Variants in NEGR1 observed in about 807,000 individuals in gnomAD.
The protein encoded by NEGR1 is IgLON family member 4.
NEGR1 carries 10 observed loss-of-function variants against 40.9 expected under a neutral mutation model. That is an observed-to-expected ratio of 0.24 (90% CI 0.15 to 0.42). The LOEUF is 0.42. Among genes scored for constraint, NEGR1 ranks in the 10% least tolerant of loss-of-function variants. The pLI is 1.00. For synonymous variants in NEGR1, 185 were observed against 166.8 expected (o/e 1.11, Z -0.84); for missense variants, 352 against 438.9 (o/e 0.80, Z 1.77).
intron 1 of NEGR1, among the ~76,000 whole-genome samples, chr1:72,226,090 G>A (rs570635198): frequency 6.6e-6 from 1 of 151,860 alleles, no homozygotes; most frequent in East Asian, 1.9e-4. Context: ...GGGTGGAAGT[G>A]AAATAATAAC....
At chr1:72,145,687 A>G (rs1315346333) in intron 1 of NEGR1, among the ~76,000 whole-genome samples, 1 of 152,104 alleles carries the variant, frequency 6.6e-6, no homozygotes, top group East Asian at 1.9e-4. Flanking sequence ...TTGATATCCT[A>G]GGATAATTGT....
intron 1 of NEGR1, among the ~76,000 whole-genome samples, chr1:72,276,092 A>G (rs182340163): frequency 8.2e-4 from 125 of 152,212 alleles, no homozygotes; most frequent in African/African-American, 2.8e-3. Flanking sequence ...GTGAGACTCC[A>G]TCTCAGAAAA....
intron 6 of NEGR1, among the ~76,000 whole-genome samples, chr1:71,434,511 C>T (rs1646493355): frequency 6.6e-6 from 1 of 152,082 alleles, no homozygotes; most frequent in South Asian, 2.1e-4. Context: ...AGAAATTCAT[C>T]TCTCCAATAA....
chr1:72,004,607 A>G (rs1646589711), intron 1 of NEGR1, among the ~76,000 whole-genome samples: 1 of 152,178 alleles, frequency 6.6e-6, no homozygotes, highest in Non-Finnish European at 1.5e-5. Flanking sequence ...TTTTAACAGC[A>G]AAGTCTACAT....
chr1:71,671,779 A>G (rs1312773416), intron 4 of NEGR1, among the ~76,000 whole-genome samples: 1 of 152,144 alleles, frequency 6.6e-6, no homozygotes. Flanking sequence ...GGTCCCCGTT[A>G]GTACCCAATT....
chr1:71,704,054 G>C (rs141878508), intron 3 of NEGR1, among the ~76,000 whole-genome samples: 354 of 151,940 alleles, frequency 2.3e-3, no homozygotes, highest in South Asian at 3.7e-3. Context: ...AGGAGCCAGA[G>C]ATAAAATACA....
At chr1:72,216,380 T>C (rs1452194291) in intron 1 of NEGR1, among the ~76,000 whole-genome samples, 2 of 93,920 alleles carry the variant, frequency 2.1e-5, no homozygotes, top group African/African-American at 5.3e-5. Context: ...GTTATATATA[T>C]ATACATATAT....
At chr1:72,278,488 A>C (rs549796656) in intron 1 of NEGR1, among the ~76,000 whole-genome samples, 1 of 152,282 alleles carries the variant, frequency 6.6e-6, no homozygotes, top group South Asian at 2.1e-4. Flanking sequence ...ATATGTTTAC[A>C]TAACAGTATT....
intron 6 of NEGR1, among the ~76,000 whole-genome samples, chr1:71,501,990 T>C (rs577602112): frequency 1.3e-5 from 2 of 152,242 alleles, no homozygotes; most frequent in Admixed American, 6.5e-5. Context: ...AAGGAGGAAA[T>C]AAAAGTGATT....
chr1:71,694,351 C>A (rs531109673), intron 4 of NEGR1, among the ~76,000 whole-genome samples: 55 of 151,618 alleles, frequency 3.6e-4, no homozygotes, highest in African/African-American at 1.1e-3. Flanking sequence ...AAGAAATACA[C>A]GCATACACAA....
At chr1:71,473,216 T>C (rs1425713343) in intron 6 of NEGR1, among the ~76,000 whole-genome samples, 2 of 152,006 alleles carry the variant, frequency 1.3e-5, no homozygotes, top group East Asian at 1.9e-4. Context: ...TCAGAATAAA[T>C]GAAATTAAAT....
At chr1:71,917,598 G>A (rs1244702110) in intron 2 of NEGR1, among the ~76,000 whole-genome samples, 2 of 149,406 alleles carry the variant, frequency 1.3e-5, no homozygotes, top group East Asian at 2.1e-4. Flanking sequence ...AGACCACGGT[G>A]AAACCCCGTC....
chr1:71,545,518 TTCTA>T (rs1295013863), intron 6 of NEGR1, among the ~76,000 whole-genome samples: 7 of 151,708 alleles, frequency 4.6e-5, no homozygotes, highest in African/African-American at 1.4e-4. Context: ...TCTTCTGTCT[TTCTA>T]TCTATGTCTA....
Position 71,404,951 on chromosome 1 carries a change from T to C in NEGR1, c.*2495A>G, listed in dbSNP as rs978657053. 5.3e-5 allele frequency: 8 copies of C among 152,230 alleles called. No homozygotes were observed. Among genetic ancestry groups the C allele is most frequent in the African/African-American group, 1.9e-4 (8 of 41,416 alleles). 9.4% of individuals were successfully genotyped at this position (152,230 alleles called of 1,614,324 possible). ...AAAAAAGCAAATACTGTAGCCTTATTTGACAATATTGAACTCATAAATACT... is the reference window on the plus strand; with the variant it reads ...AAAAAAGCAAATACTGTAGCCTTATCTGACAATATTGAACTCATAAATACT... On this transcript the variant is annotated 3_prime_UTR_variant, in exon 7 of 7. Coordinates refer to ENST00000357731, the MANE Select transcript of NEGR1 (RefSeq NM_173808.3).
chr1:71,551,358 TTAAG>T, intron 6 of NEGR1, among the ~76,000 whole-genome samples: 1 of 151,662 alleles, frequency 6.6e-6, no homozygotes, highest in Middle Eastern at 3.4e-3. Flanking sequence ...ATTCATATGG[TTAAG>T]TGTTTCGAAG....
At chr1:71,433,780 A>G (rs1646485601) in intron 6 of NEGR1, among the ~76,000 whole-genome samples, 1 of 152,348 alleles carries the variant, frequency 6.6e-6, no homozygotes, top group Non-Finnish European at 1.5e-5. Context: ...ACCAAACCAT[A>G]TCATACAGTG....
chr1:71,529,156 A>G (rs1647286181), intron 6 of NEGR1, among the ~76,000 whole-genome samples: 1 of 151,232 alleles, frequency 6.6e-6, no homozygotes, highest in Non-Finnish European at 1.5e-5. Flanking sequence ...GACAGATGCT[A>G]GGTGGGGTAT....
intron 6 of NEGR1, among the ~76,000 whole-genome samples, chr1:71,550,694 C>T (rs930659013): frequency 1.3e-5 from 2 of 151,634 alleles, no homozygotes; most frequent in African/African-American, 4.8e-5. Context: ...CTAACATCCA[C>T]ATTCTGTTCC....
At chr1:71,793,866 AAAGTTGC>A (rs1297332963) in intron 2 of NEGR1, among the ~76,000 whole-genome samples, 49 of 152,268 alleles carry the variant, frequency 3.2e-4, no homozygotes, top group African/African-American at 1.1e-3. Flanking sequence ...TTTATAACAA[AAAGTTGC>A]AATCTAGGGA....
Sources: gnomAD v4.1 joint callset for allele counts (sites outside exome capture counted in the v4.1 genomes callset) on GRCh38, gnomAD v4.1.1 for gene constraint, MANE v1.5 for transcripts, NCBI Gene and HGNC (gene_info 2026-07-23, HGNC 2026-07-21) for gene names.